SLC35F3: variants seen among roughly 807,000 people sequenced by gnomAD.
The protein encoded by SLC35F3 is solute carrier family 35 member F3.
Under a neutral mutation model 49.9 loss-of-function variants are expected in SLC35F3, and 25 were observed. The observed-to-expected ratio is 0.50, with a 90% CI of 0.37 to 0.70. The LOEUF (loss-of-function observed/expected upper bound fraction) is 0.70, where lower values mean the gene tolerates loss of function less well. SLC35F3 is among the 30% of genes least tolerant of loss of function. The probability of loss-of-function intolerance (pLI) is 0.00; values close to 1 mark genes in which losing one functional copy is unlikely to be tolerated. For synonymous variants in SLC35F3, 275 were observed against 265.4 expected (o/e 1.04, Z -0.35); for missense variants, 525 against 639.8 (o/e 0.82, Z 1.94).
intron 2 of SLC35F3, among the ~76,000 whole-genome samples, chr1:233,985,268 C>T (rs1937264): frequency 0.17 from 26,601 of 152,180 alleles, 2,583 homozygotes; most frequent in East Asian, 0.23. Flanking sequence ...TACCAAACAG[C>T]ACACAGTAGA....
At chr1:234,297,923 G>T (rs561721999) in intron 3 of SLC35F3, among the ~76,000 whole-genome samples, 1 of 152,176 alleles carries the variant, frequency 6.6e-6, no homozygotes, top group South Asian at 2.1e-4. Flanking sequence ...CTCATACTGT[G>T]GCATATACTT....
At chr1:234,126,849 C>G (rs1665655910) in intron 2 of SLC35F3, among the ~76,000 whole-genome samples, 1 of 152,128 alleles carries the variant, frequency 6.6e-6, no homozygotes, top group Non-Finnish European at 1.5e-5. Flanking sequence ...GCACGCACTA[C>G]CGTGCTGGGC....
chr1:233,966,496 C>T (rs753319768), intron 2 of SLC35F3, among the ~76,000 whole-genome samples: 6 of 152,166 alleles, frequency 3.9e-5, no homozygotes, highest in Admixed American at 6.5e-5. Flanking sequence ...CAGATTTCAT[C>T]TGGATGGGGA....
At chr1:234,280,694 G>A (rs572864582) in intron 3 of SLC35F3, among the ~76,000 whole-genome samples, 6 of 152,316 alleles carry the variant, frequency 3.9e-5, no homozygotes, top group African/African-American at 1.4e-4. Context: ...CACTCACCAC[G>A]TGCTGGTGTG....
At chr1:234,079,871 A>G (rs1314707595) in intron 2 of SLC35F3, among the ~76,000 whole-genome samples, 1 of 152,258 alleles carries the variant, frequency 6.6e-6, no homozygotes, top group African/African-American at 2.4e-5. Context: ...ATAGTGTGAT[A>G]TAAAAAGACA....
chr1:233,958,681 A>G (rs1306856240), intron 2 of SLC35F3, among the ~76,000 whole-genome samples: 3 of 152,254 alleles, frequency 2.0e-5, no homozygotes, highest in South Asian at 2.1e-4. Context: ...AAGAGCAAGT[A>G]TTATTAGTCT....
chr1:234,052,438 G>A (rs12098107), intron 2 of SLC35F3, among the ~76,000 whole-genome samples: 16,226 of 152,140 alleles, frequency 0.11, 1,343 homozygotes, highest in East Asian at 0.25. Flanking sequence ...GGTGTTTATA[G>A]TATTCTCTGA....
chr1:234,222,447 G>A (rs943204016), intron 2 of SLC35F3, among the ~76,000 whole-genome samples: 7 of 152,140 alleles, frequency 4.6e-5, no homozygotes, highest in Non-Finnish European at 8.8e-5. Context: ...TTGAGAAAAC[G>A]GTGTTTTAAT....
chr1:234,152,450 T>C (rs948438058), intron 2 of SLC35F3, among the ~76,000 whole-genome samples: 3 of 152,118 alleles, frequency 2.0e-5, no homozygotes, highest in African/African-American at 7.2e-5. Flanking sequence ...ATTGTTCACC[T>C]CCCACCTATG....
At chr1:234,251,558 C>T (rs556694228) in intron 3 of SLC35F3, among the ~76,000 whole-genome samples, 1 of 150,462 alleles carries the variant, frequency 6.6e-6, no homozygotes, top group African/African-American at 2.4e-5. Flanking sequence ...AGCTTTAAAA[C>T]TCTCTCAAGA....
At chr1:234,093,989 G>A (rs1665082576) in intron 2 of SLC35F3, among the ~76,000 whole-genome samples, 1 of 152,218 alleles carries the variant, frequency 6.6e-6, no homozygotes, top group South Asian at 2.1e-4. Context: ...CGCTGTCCAA[G>A]CAGCAGACCG....
At chr1:234,003,537 A>G (rs1663584103) in intron 2 of SLC35F3, among the ~76,000 whole-genome samples, 1 of 152,226 alleles carries the variant, frequency 6.6e-6, no homozygotes, top group Non-Finnish European at 1.5e-5. Context: ...TTAAAAAATG[A>G]AACTTTATTA....
intron 2 of SLC35F3, among the ~76,000 whole-genome samples, chr1:234,116,053 G>A (rs182268185): frequency 5.9e-5 from 9 of 152,252 alleles, no homozygotes; most frequent in South Asian, 2.1e-4. Context: ...TTTGATCAGC[G>A]TTCACCAAAT....
chr1:234,172,953 T>G (rs1666420600), intron 2 of SLC35F3, among the ~76,000 whole-genome samples: 1 of 152,194 alleles, frequency 6.6e-6, no homozygotes, highest in African/African-American at 2.4e-5. Context: ...CTCTTCCAGC[T>G]TCCCCCAATG....
At chr1:233,992,937 C>T (rs1183467836) in intron 2 of SLC35F3, among the ~76,000 whole-genome samples, 7 of 152,090 alleles carry the variant, frequency 4.6e-5, no homozygotes, top group Admixed American at 4.6e-4. Flanking sequence ...TGTGGCAGCT[C>T]CCAAAAATCA....
chr1:234,115,634 A>G (rs1056214925), intron 2 of SLC35F3, among the ~76,000 whole-genome samples: 4 of 152,258 alleles, frequency 2.6e-5, no homozygotes, highest in Non-Finnish European at 5.9e-5. Flanking sequence ...CAAAAATAGT[A>G]AAAGAATTTC....
chr1:234,251,536 C>T (rs2102963547), intron 3 of SLC35F3, among the ~76,000 whole-genome samples: 1 of 149,356 alleles, frequency 6.7e-6, no homozygotes, highest in South Asian at 2.1e-4. Context: ...ATTTATAGAA[C>T]TGCATAAAGA....
chr1:234,275,324 C>T (rs1416169973), intron 3 of SLC35F3, among the ~76,000 whole-genome samples: 1 of 150,860 alleles, frequency 6.6e-6, no homozygotes, highest in Non-Finnish European at 1.5e-5. Context: ...ATGTAAACAT[C>T]CCAAAATCCC....
intron 2 of SLC35F3, among the ~76,000 whole-genome samples, chr1:234,117,754 T>C (rs1490018131): frequency 2.0e-5 from 3 of 150,006 alleles, no homozygotes; most frequent in Non-Finnish European, 4.4e-5. Flanking sequence ...GGCGTGGTGG[T>C]GGGCGCCTGT....
Sources: gnomAD v4.1 joint callset for allele counts (sites outside exome capture counted in the v4.1 genomes callset) on GRCh38, gnomAD v4.1.1 for gene constraint, MANE v1.5 for transcripts, NCBI Gene and HGNC (gene_info 2026-07-23, HGNC 2026-07-21) for gene names.